PDE1A: variants seen among roughly 807,000 people sequenced by gnomAD.
The protein encoded by PDE1A is dual specificity calcium/calmodulin-dependent 3',5'-cyclic nucleotide phosphodiesterase 1A.
In PDE1A, 35 loss-of-function variants were observed where a neutral mutation model predicts 61.7. The observed-to-expected ratio is 0.57, with a 90% CI of 0.43 to 0.75. The LOEUF is 0.75. Among genes scored for constraint, PDE1A ranks in the 30% least tolerant of loss-of-function variants. The pLI is 0.00. For missense variants in PDE1A, 597 were observed against 630.6 expected (o/e 0.95, Z 0.57); for synonymous variants, 232 against 213.2 (o/e 1.09, Z -0.77).
At chr2:182,491,649 C>T (rs188568816) in intron 2 of PDE1A, among the ~76,000 whole-genome samples, 6 of 152,298 alleles carry the variant, frequency 3.9e-5, no homozygotes, top group African/African-American at 1.4e-4. Flanking sequence ...TAGCCCTAAA[C>T]GATCTACAGC....
At chr2:182,307,813 G>A (rs1368617424) in intron 1 of PDE1A, among the ~76,000 whole-genome samples, 1 of 152,106 alleles carries the variant, frequency 6.6e-6, no homozygotes, top group Non-Finnish European at 1.5e-5. Context: ...CTATGATTAT[G>A]CCACTGAACT....
Position 182,244,755 on chromosome 2 carries a change from T to C in PDE1A, c.168-4463A>G, listed in dbSNP as rs536942882. 7.9e-5 allele frequency among the ~76,000 whole-genome samples: 12 copies of C among 152,272 alleles called. No individual in the cohort carries two copies. In the East Asian group the frequency reaches 1.9e-3, roughly 24 times the overall value. On this transcript the variant is annotated intron_variant, in intron 2 of 13. Transcript: ENST00000351439. ...TTCCATGTTGGTTTCTTTTTGAAAATTGTTCATTCTTGTATGAGAGAACTT... is the reference window on the plus strand; with the variant it reads ...TTCCATGTTGGTTTCTTTTTGAAAACTGTTCATTCTTGTATGAGAGAACTT...
At chr2:182,318,272 G>A (rs1203177384) in intron 1 of PDE1A, among the ~76,000 whole-genome samples, 1 of 151,950 alleles carries the variant, frequency 6.6e-6, no homozygotes, top group African/African-American at 2.4e-5. Flanking sequence ...AATTATATTT[G>A]TTATTTCTAA....
chr2:182,336,619 C>A (rs541918610), intron 1 of PDE1A, among the ~76,000 whole-genome samples: 1 of 151,670 alleles, frequency 6.6e-6, no homozygotes, highest in African/African-American at 2.4e-5. Flanking sequence ...GGCCTGTCAG[C>A]GGGTAGGGGG....
At chr2:182,484,965 C>G (rs1018754126) in intron 2 of PDE1A, among the ~76,000 whole-genome samples, 1 of 151,930 alleles carries the variant, frequency 6.6e-6, no homozygotes, top group Non-Finnish European at 1.5e-5. Context: ...GGCGATCCCT[C>G]CAAGAACTAA....
chr2:182,469,892 G>A (rs1288544120), intron 2 of PDE1A, among the ~76,000 whole-genome samples: 1 of 151,762 alleles, frequency 6.6e-6, no homozygotes, highest in East Asian at 1.9e-4. Flanking sequence ...GGAATAGCTG[G>A]CCAGTAGGAG....
At chr2:182,275,672 T>A (rs553353591) in intron 1 of PDE1A, among the ~76,000 whole-genome samples, 3 of 152,210 alleles carry the variant, frequency 2.0e-5, no homozygotes, top group Non-Finnish European at 4.4e-5. Context: ...AACTTGCAGA[T>A]TTTTGTCTGG....
intron 13 of PDE1A, among the ~76,000 whole-genome samples, chr2:182,155,799 G>A (rs1691048167): frequency 6.6e-6 from 1 of 152,138 alleles, no homozygotes; most frequent in Non-Finnish European, 1.5e-5. Flanking sequence ...GCTGAGGCAG[G>A]AGAATTGCTT....
At chr2:182,639,681 G>C in the PDE1A span, among the ~76,000 whole-genome samples, 1 of 151,720 alleles carries the variant, frequency 6.6e-6, no homozygotes, top group African/African-American at 2.4e-5. Flanking sequence ...AAAAAGAAGA[G>C]TAAGCAACAT....
chr2:182,511,116 G>A (rs530668765), intron 2 of PDE1A, among the ~76,000 whole-genome samples: 18 of 152,070 alleles, frequency 1.2e-4, no homozygotes, highest in Admixed American at 9.2e-4. Flanking sequence ...TCTCAACACC[G>A]ATGAGATACG....
the PDE1A span, among the ~76,000 whole-genome samples, chr2:182,673,564 TG>T: frequency 6.6e-6 from 1 of 152,154 alleles, no homozygotes; most frequent in East Asian, 1.9e-4. Flanking sequence ...TGTAGTATAT[TG>T]GGGCAGCATT....
chr2:182,142,767 A>G (rs923102196), downstream of PDE1A: 11 of 152,182 alleles, frequency 7.2e-5, no homozygotes, highest in African/African-American at 2.2e-4. Flanking sequence ...AAAATTAAAA[A>G]CTGTCTGACT....
At chr2:182,635,329 C>T in the PDE1A span, among the ~76,000 whole-genome samples, 9 of 151,936 alleles carry the variant, frequency 5.9e-5, no homozygotes, top group Non-Finnish European at 1.0e-4. Context: ...CAACTATCGC[C>T]TTCCCAGTAA....
chr2:182,688,873 G>A, the PDE1A span, among the ~76,000 whole-genome samples: 1 of 152,178 alleles, frequency 6.6e-6, no homozygotes, highest in Non-Finnish European at 1.5e-5. Flanking sequence ...GGCAGGGGTT[G>A]CAATCCTAGT....
the PDE1A span, among the ~76,000 whole-genome samples, chr2:182,706,279 A>C: frequency 6.6e-6 from 1 of 152,184 alleles, no homozygotes; most frequent in Admixed American, 6.5e-5. Flanking sequence ...ATCTCCATTC[A>C]ACATTGAGTA....
intron 2 of PDE1A, among the ~76,000 whole-genome samples, chr2:182,475,570 G>A (rs541996756): frequency 6.6e-6 from 1 of 151,988 alleles, no homozygotes; most frequent in African/African-American, 2.4e-5. Flanking sequence ...AATATATTCT[G>A]GGAGAGCTAG....
chr2:182,482,328 C>T (rs1687752648), intron 2 of PDE1A, among the ~76,000 whole-genome samples: 1 of 151,566 alleles, frequency 6.6e-6, no homozygotes, highest in African/African-American at 2.4e-5. Flanking sequence ...TTCCAAAAAC[C>T]TTTAACTTAA....
intron 13 of PDE1A, among the ~76,000 whole-genome samples, chr2:182,179,918 G>A (rs932367813): frequency 3.3e-5 from 5 of 152,288 alleles, no homozygotes; most frequent in African/African-American, 9.6e-5. Flanking sequence ...ATGTTTTTGC[G>A]ATATCTGTGA....
At chr2:182,242,351 G>C (rs1432092795) in intron 2 of PDE1A, among the ~76,000 whole-genome samples, 4 of 152,200 alleles carry the variant, frequency 2.6e-5, no homozygotes, top group African/African-American at 7.2e-5. Context: ...TGAGAAGAAA[G>C]TGCATATAAT....
Sources: allele counts gnomAD v4.1 joint callset (sites outside exome capture counted in the v4.1 genomes callset), GRCh38; gene constraint gnomAD v4.1.1; transcripts MANE v1.5; gene names NCBI Gene and HGNC (gene_info 2026-07-23, HGNC 2026-07-21).